Variants in EYS observed in about 807,000 individuals in gnomAD.
EYS encodes the protein protein eyes shut homolog.
A neutral mutation model predicts 282.1 loss-of-function variants in EYS; 250 were observed. The ratio of observed to expected loss-of-function variants is 0.89; its 90% CI spans 0.80 to 0.98. EYS has a LOEUF of 0.98. EYS is among the 50% of genes least tolerant of loss of function. The pLI is 0.00. For synonymous variants in EYS, 1,355 were observed against 1,282.9 expected, an observed-to-expected ratio of 1.06 and a Z score of -1.20; for missense variants, 4,016 against 3,709.0, an observed-to-expected ratio of 1.08 and a Z score of -2.15.
At chr6:65,006,918 T>A (rs948475516) in intron 13 of EYS, among the ~76,000 whole-genome samples, 2 of 152,212 alleles carry the variant, frequency 1.3e-5, no homozygotes, top group African/African-American at 2.4e-5. Flanking sequence ...CTACACCCTC[T>A]CTGAAATGAA....
intron 12 of EYS, among the ~76,000 whole-genome samples, chr6:65,095,489 G>A (rs1394580202): frequency 3.3e-5 from 5 of 150,260 alleles, no homozygotes; most frequent in Non-Finnish European, 7.4e-5. Context: ...CTTCAATAAT[G>A]TGATTTAGCC....
chr6:65,642,624 T>A (rs901529313), intron 1 of EYS, among the ~76,000 whole-genome samples: 1 of 152,190 alleles, frequency 6.6e-6, no homozygotes, highest in Non-Finnish European at 1.5e-5. Flanking sequence ...CATTTTGTTC[T>A]ATATTTTTTA....
intron 29 of EYS, among the ~76,000 whole-genome samples, chr6:64,362,191 A>G (rs954761082): frequency 1.6e-4 from 25 of 151,950 alleles, no homozygotes; most frequent in African/African-American, 5.8e-4. Flanking sequence ...TCAGATAATA[A>G]GTAGAAATGA....
In EYS at chr6:65,474,422, T is replaced by C. The variant is rs376076484; in HGVS notation, c.862+16172A>G. On this transcript the variant is annotated intron_variant, in intron 5 of 42. Transcript: ENST00000503581. ...CCTTTCTCTACCCCTTTATCCTAAA[T>C]GAGCTTCTATAAAATCCTCAGCAAA... Among the ~76,000 whole-genome samples the C allele has an allele frequency of 7.9e-5, 12 of 152,244 alleles. No individual in the cohort carries two copies. In the East Asian group the frequency reaches 1.9e-3, roughly 25 times the overall value.
At chr6:64,014,398 T>C (rs1208512843) in intron 33 of EYS, among the ~76,000 whole-genome samples, 2 of 152,298 alleles carry the variant, frequency 1.3e-5, no homozygotes, top group African/African-American at 4.8e-5. Flanking sequence ...TACTTCAGTT[T>C]CCAAATGGTT....
At chr6:65,579,556 G>A (rs1277382948) in intron 2 of EYS, among the ~76,000 whole-genome samples, 1 of 152,062 alleles carries the variant, frequency 6.6e-6, no homozygotes, top group Admixed American at 6.6e-5. Context: ...AGCACGGTGA[G>A]GTTCTGGTGA....
In EYS at chr6:64,813,492, G is replaced by C. The variant is rs143327210; in HGVS notation, c.3329C>G (p.Thr1110Ser). Residue 1110 changes from threonine to serine, a missense_variant, in exon 22 of 43, where the codon ACT becomes AGT. Transcript: ENST00000503581. ...GFTCICPRGY[T>S]GAYCEKSIDN... ...AATGCTTTTTTCACAGTATGCACCA[G>C]TGTATCCACGTGGGCAAATGCAAGT... 4.1e-4 allele frequency: 634 copies of C among 1,550,532 alleles called. 10 individuals are homozygous for C. In the African/African-American group the frequency reaches 7.6e-3, roughly 18 times the overall value.
chr6:64,782,031 C>G (rs1773879316), intron 22 of EYS, among the ~76,000 whole-genome samples: 1 of 152,120 alleles, frequency 6.6e-6, no homozygotes, highest in South Asian at 2.1e-4. Flanking sequence ...ATTTCTTCAC[C>G]AGTAAAACGA....
At chr6:65,629,832 G>A (rs1766850098) in intron 2 of EYS, among the ~76,000 whole-genome samples, 1 of 151,962 alleles carries the variant, frequency 6.6e-6, no homozygotes, top group Admixed American at 6.6e-5. Flanking sequence ...ATTCCACTAA[G>A]TCATCCACCT....
chr6:65,277,556 A>G (rs1055007220), intron 12 of EYS, among the ~76,000 whole-genome samples: 3 of 152,144 alleles, frequency 2.0e-5, no homozygotes, highest in African/African-American at 4.8e-5. Context: ...CCTGAACTCA[A>G]TCATGCTGGC....
At chr6:64,845,525 A>C (rs1583216864) in intron 19 of EYS, among the ~76,000 whole-genome samples, 1 of 147,690 alleles carries the variant, frequency 6.8e-6, no homozygotes, top group African/African-American at 2.5e-5. Flanking sequence ...ACAAAAAATA[A>C]TCTCTCTCTC....
chr6:64,920,786 G>A (rs1768320989), intron 15 of EYS, among the ~76,000 whole-genome samples: 1 of 152,020 alleles, frequency 6.6e-6, no homozygotes, highest in South Asian at 2.1e-4. Flanking sequence ...GGTACAATTT[G>A]AGTAGGAGGC....
chr6:64,923,350 T>C (rs933108666), intron 15 of EYS, among the ~76,000 whole-genome samples: 25 of 152,106 alleles, frequency 1.6e-4, no homozygotes, highest in Admixed American at 1.4e-3. Context: ...AAGACCTGCC[T>C]CCATGATTCA....
chr6:65,664,324 T>C (rs143916822), intron 1 of EYS, among the ~76,000 whole-genome samples: 112 of 152,184 alleles, frequency 7.4e-4, no homozygotes, highest in African/African-American at 2.7e-3. Flanking sequence ...GAGATGAATG[T>C]GGGTCATTAG....
intron 31 of EYS, among the ~76,000 whole-genome samples, chr6:64,182,120 C>A (rs1305930753): frequency 1.3e-5 from 2 of 152,120 alleles, no homozygotes; most frequent in South Asian, 2.1e-4. Context: ...AAAAAAATTG[C>A]TTTTCTTTAA....
At chr6:65,557,782 G>A (rs1321085374) in intron 2 of EYS, among the ~76,000 whole-genome samples, 1 of 152,172 alleles carries the variant, frequency 6.6e-6, no homozygotes, top group Non-Finnish European at 1.5e-5. Flanking sequence ...AAAAGGCAGA[G>A]AGGAGTTTTA....
intron 35 of EYS, among the ~76,000 whole-genome samples, chr6:63,884,828 C>T (rs1315742582): frequency 1.3e-5 from 2 of 151,818 alleles, no homozygotes; most frequent in African/African-American, 4.8e-5. Flanking sequence ...CTTTCTTCTT[C>T]AATACACTTT....
intron 37 of EYS, among the ~76,000 whole-genome samples, chr6:63,790,434 C>T (rs1161758989): frequency 3.3e-5 from 5 of 152,140 alleles, no homozygotes; most frequent in Non-Finnish European, 5.9e-5. Context: ...AGCAGGGTTA[C>T]TTTTGAAAGC....
At chr6:64,759,048 A>C (rs1032377232) in intron 22 of EYS, among the ~76,000 whole-genome samples, 3 of 152,198 alleles carry the variant, frequency 2.0e-5, no homozygotes, top group African/African-American at 7.2e-5. Flanking sequence ...CTGAGGCAGG[A>C]GAATGGCGTG....
Sources: gnomAD v4.1 joint callset for allele counts (sites outside exome capture counted in the v4.1 genomes callset) on GRCh38, gnomAD v4.1.1 for gene constraint, MANE v1.5 for transcripts, NCBI Gene and HGNC (gene_info 2026-07-23, HGNC 2026-07-21) for gene names.